POLA1: variants seen among roughly 807,000 people sequenced by gnomAD.
The protein encoded by POLA1 is DNA polymerase alpha 1, catalytic subunit.
Under a neutral mutation model 124.0 loss-of-function variants are expected in POLA1, and 15 were observed. The observed-to-expected ratio is 0.12, with a 90% CI of 0.08 to 0.19. The LOEUF (loss-of-function observed/expected upper bound fraction) is 0.19, where lower values mean the gene tolerates loss of function less well. POLA1 is among the 10% of genes least tolerant of loss of function. The pLI, the probability that POLA1 is intolerant of heterozygous loss-of-function variation, is 1.00. For missense variants in POLA1, 886 were observed against 1,103.4 expected (o/e 0.80, Z 2.79); for synonymous variants, 408 against 389.4 (o/e 1.05, Z -0.56).
chrX:24,874,806 T>C (rs1221004628), intron 34 of POLA1, among the ~76,000 whole-genome samples: 2 of 111,483 alleles, frequency 1.8e-5, no homozygotes, highest in Admixed American at 1.9e-4. Context: ...TCAGACACTC[T>C]GGGGGTGGCG....
At chrX:24,795,160 G>C (rs1188417825) in intron 26 of POLA1, among the ~76,000 whole-genome samples, 1 of 110,743 alleles carries the variant, frequency 9.0e-6, no homozygotes, top group Non-Finnish European at 1.9e-5. Flanking sequence ...ACGTTTTAAT[G>C]CTCTGGGTTC....
intron 15 of POLA1, among the ~76,000 whole-genome samples, chrX:24,730,093 G>A (rs977962080): frequency 1.8e-5 from 2 of 109,370 alleles, no homozygotes; most frequent in African/African-American, 6.7e-5. Context: ...CACTGCACCC[G>A]GCGTGATCTT....
At chrX:24,950,269 G>A (rs1197262153) in intron 36 of POLA1, among the ~76,000 whole-genome samples, 1 of 112,116 alleles carries the variant, frequency 8.9e-6, no homozygotes, top group Admixed American at 9.5e-5. Context: ...TGGTAGAAGT[G>A]TTCTGTATCT....
intron 26 of POLA1, among the ~76,000 whole-genome samples, chrX:24,799,394 A>G (rs1300371071): frequency 8.9e-6 from 1 of 112,230 alleles, no homozygotes; most frequent in Admixed American, 9.4e-5. Flanking sequence ...TGGGAGCTCA[A>G]AGTTTTCTGG....
At chrX:24,818,846 G>C (rs112740593) in intron 30 of POLA1, among the ~76,000 whole-genome samples, 1,194 of 112,180 alleles carry the variant, frequency 0.011, 18 homozygotes, top group African/African-American at 0.037. Flanking sequence ...CGACATCTGG[G>C]TTTTCATTTC....
At chrX:24,940,387 ATGT>A (rs1601891420) in intron 36 of POLA1, among the ~76,000 whole-genome samples, 1 of 111,764 alleles carries the variant, frequency 8.9e-6, no homozygotes, top group African/African-American at 3.2e-5. Flanking sequence ...AAGTAGGGTA[ATGT>A]TGTAGAAGAC....
chrX:24,791,536 C>T (rs2045496678), intron 26 of POLA1, among the ~76,000 whole-genome samples: 1 of 111,868 alleles, frequency 8.9e-6, no homozygotes, highest in Non-Finnish European at 1.9e-5. Context: ...CAGGTGTAGG[C>T]CACCACACCC....
At chrX:24,906,347 C>T (rs773169759) in intron 35 of POLA1, among the ~76,000 whole-genome samples, 1 of 111,990 alleles carries the variant, frequency 8.9e-6, no homozygotes, top group Non-Finnish European at 1.9e-5. Context: ...AAATAGTGGC[C>T]TTTGTAGCAA....
chrX:24,836,413 A>T (rs1372302761), intron 32 of POLA1, among the ~76,000 whole-genome samples: 1 of 111,807 alleles, frequency 8.9e-6, no homozygotes, highest in African/African-American at 3.3e-5. Context: ...AGGGACATGT[A>T]TGTTTACTTT....
chrX:24,973,987 T>G (rs111668557), intron 36 of POLA1, among the ~76,000 whole-genome samples: 1 of 110,825 alleles, frequency 9.0e-6, no homozygotes, highest in Non-Finnish European at 1.9e-5. Flanking sequence ...TTGTTTTCTT[T>G]TTCCCATTAA....
At chrX:24,737,013 A>G (rs910140824) in intron 18 of POLA1, among the ~76,000 whole-genome samples, 6 of 112,239 alleles carry the variant, frequency 5.3e-5, no homozygotes, top group African/African-American at 1.9e-4. Flanking sequence ...TGAAAAATCT[A>G]GTTGCATTTT....
At chrX:24,946,139 T>G (rs2047957969) in intron 36 of POLA1, among the ~76,000 whole-genome samples, 1 of 111,372 alleles carries the variant, frequency 9.0e-6, no homozygotes, top group African/African-American at 3.3e-5. Context: ...AGGTGGAGGC[T>G]AACCCAAACG....
chrX:24,886,174 A>G (rs764679154), intron 34 of POLA1, among the ~76,000 whole-genome samples: 11 of 111,355 alleles, frequency 9.9e-5, no homozygotes, highest in Admixed American at 9.5e-4. Flanking sequence ...GCCATACTGA[A>G]TTGCTTTTAT....
At chrX:24,721,042 T>C (rs1229128081) in intron 10 of POLA1, among the ~76,000 whole-genome samples, 4 of 112,899 alleles carry the variant, frequency 3.5e-5, no homozygotes, top group Non-Finnish European at 7.5e-5. Context: ...AGCACAGTTA[T>C]ATTTGCAAAG....
intron 35 of POLA1, among the ~76,000 whole-genome samples, chrX:24,889,756 C>T (rs926962397): frequency 8.0e-5 from 9 of 112,023 alleles, no homozygotes; most frequent in Admixed American, 2.8e-4. Context: ...TATTCACAGG[C>T]GCAATCATGG....
At chrX:24,888,662 A>G (rs1313164261) in intron 35 of POLA1, among the ~76,000 whole-genome samples, 12 of 88,954 alleles carry the variant, frequency 1.3e-4, no homozygotes, top group Non-Finnish European at 2.2e-4. Flanking sequence ...GCTGGAGTGC[A>G]GTGGCACGAT....
At chrX:24,788,943 T>A (rs763784522) in intron 26 of POLA1, 2 of 1,207,498 alleles carry the variant, frequency 1.7e-6, no homozygotes, top group East Asian at 5.9e-5. Context: ...GGCAGTGGGC[T>A]GGACACGGCT....
intron 26 of POLA1, among the ~76,000 whole-genome samples, chrX:24,784,059 C>CTTTTTT (rs11295214): frequency 1.3e-4 from 8 of 59,511 alleles, no homozygotes; most frequent in Admixed American, 2.1e-4. Context: ...ATTTATATTT[C>CTTTTTT]TTTTTTTTTT....
At chrX:24,842,614 G>A (rs1042578053) in intron 33 of POLA1, among the ~76,000 whole-genome samples, 2 of 112,441 alleles carry the variant, frequency 1.8e-5, no homozygotes, top group Non-Finnish European at 3.8e-5. Flanking sequence ...GCAAGTGCAA[G>A]GAAGAGGCAG....
Sources: gnomAD v4.1 joint callset for allele counts (sites outside exome capture counted in the v4.1 genomes callset) on GRCh38, gnomAD v4.1.1 for gene constraint, MANE v1.5 for transcripts, NCBI Gene and HGNC (gene_info 2026-07-23, HGNC 2026-07-21) for gene names.